The following ADGRG4 variants were observed in gnomAD, a reference collection of about 807,000 sequenced individuals.
ADGRG4 encodes the protein G protein-coupled receptor 112.
Under a neutral mutation model 126.2 loss-of-function variants are expected in ADGRG4, and 122 were observed. The observed-to-expected ratio is 0.97, with a 90% CI of 0.83 to 1.12. ADGRG4 has a LOEUF of 1.12. Ranked by LOEUF, ADGRG4 falls within the 50% of genes most tolerant of loss-of-function variation. The probability of loss-of-function intolerance (pLI) is 0.00; values close to 1 mark genes in which losing one functional copy is unlikely to be tolerated. For missense variants in ADGRG4, 2,481 were observed against 2,251.8 expected (o/e 1.10, Z -2.06); for synonymous variants, 943 against 838.7 (o/e 1.12, Z -2.15).
chrX:136,396,201 T>C (rs1273529225), intron 19 of ADGRG4, among the ~76,000 whole-genome samples: 2 of 109,574 alleles, frequency 1.8e-5, no homozygotes, highest in Non-Finnish European at 3.8e-5. Context: ...TCCAAATGAC[T>C]CTCAAATGTA....
chrX:136,332,602 A>G (rs1178931806), intron 5 of ADGRG4, among the ~76,000 whole-genome samples: 1 of 110,952 alleles, frequency 9.0e-6, no homozygotes, highest in African/African-American at 3.3e-5. Flanking sequence ...CAATGGTTGC[A>G]CTAGTTTACA....
intron 4 of ADGRG4, among the ~76,000 whole-genome samples, chrX:136,310,771 G>A (rs1291785956): frequency 3.6e-5 from 4 of 111,535 alleles, no homozygotes; most frequent in South Asian, 3.8e-4. Flanking sequence ...AGCAGAGCCA[G>A]AAAGAAGAGA....
intron 23 of ADGRG4, among the ~76,000 whole-genome samples, chrX:136,406,855 G>A (rs1423827053): frequency 3.7e-5 from 4 of 109,136 alleles, no homozygotes; most frequent in Non-Finnish European, 5.7e-5. Context: ...GGCAGAGGTT[G>A]CAGTGAGCTA....
intron 3 of ADGRG4, chrX:136,305,876 G>T (rs2074730202): frequency 8.9e-6 from 1 of 111,876 alleles, no homozygotes; most frequent in Non-Finnish European, 1.9e-5. Context: ...ATGGGTTATT[G>T]CAGGGTTGTA....
In ADGRG4 at chrX:136,323,265, A is replaced by G. The variant is rs1242257284; in HGVS notation, c.558A>G (p.Gln186=). The G allele has an allele frequency of 8.3e-7, 1 of 1,209,194 alleles. No homozygotes were observed. The highest frequency in any genetic ancestry group is 1.1e-6 in the Non-Finnish European group (1 of 895,045). ...RSFPGSLYYF[Q]LWDHILENEE... ...TTCCTGGCAGCTTGTACTACTTTCA[A>G]CTCTGGGACCACATCCTGGAAAACG... The change falls in exon 5 of 26, where the codon CAA becomes CAG. Residue 186 remains glutamine, a synonymous_variant. Transcript: ENST00000394143.
Position 136,344,645 on chromosome X carries a change from T to C in ADGRG4, c.939T>C (p.Phe313=). 8.3e-7 allele frequency: 1 copy of C among 1,210,710 alleles called. No individual in the cohort carries two copies. Among genetic ancestry groups the C allele is most frequent in the Non-Finnish European group, 1.1e-6 (1 of 894,558 alleles). Residue 313 remains phenylalanine, a synonymous_variant, in exon 6 of 26, where the codon TTT becomes TTC. Transcript: ENST00000394143. ...LKTLVDETAT[F]AVDVLSTSSA... ...CACTGGTAGATGAGACAGCTACATTTGCAGTGGATGTTTTATCAACTTCAT... is the reference window on the plus strand; with the variant it reads ...CACTGGTAGATGAGACAGCTACATTCGCAGTGGATGTTTTATCAACTTCAT...
chrX:136,363,603 T>A lies in ADGRG4; in HGVS notation c.7396+8T>A, dbSNP rs1418942315. Reference sequence around the variant, plus strand: ...ATATTACCATAAGTGATGGTAAGATTGTTTTGTACATATAAGACAAATTAT... The same window carrying A: ...ATATTACCATAAGTGATGGTAAGATAGTTTTGTACATATAAGACAAATTAT... On this transcript the variant is annotated splice_region_variant and intron_variant, in intron 13 of 25. Transcript: ENST00000394143. 2 of 1,033,822 alleles carry A rather than the reference T, an allele frequency of 1.9e-6. No homozygotes were observed. The highest frequency in any genetic ancestry group is 2.7e-6 in the Non-Finnish European group (2 of 735,087). The allele number at this position is 1,033,822 out of a possible 1,213,427, so 85.2% of individuals were successfully genotyped here.
In ADGRG4 at chrX:136,346,809, G is replaced by A. The variant is rs149243520; in HGVS notation, c.3103G>A (p.Glu1035Lys). ...VAEETEVTMS[E>K]PSTLARAFST... Reference sequence around the variant, plus strand: ...TGAGGAGACTGAGGTTACCATGTCTGAGCCTTCTACACTGGCCAGGGCTTT... The same window carrying A: ...TGAGGAGACTGAGGTTACCATGTCTAAGCCTTCTACACTGGCCAGGGCTTT... The change falls in exon 6 of 26, where the codon GAG (glutamate) becomes AAG (lysine). Residue 1035 changes from glutamate to lysine, a missense_variant. Physicochemically the swap from Glu to Lys is moderately conservative, Grantham distance 56. Coordinates refer to ENST00000394143, the MANE Select transcript of ADGRG4 (RefSeq NM_153834.4). 5,506 of 1,209,647 alleles carry A rather than the reference G, an allele frequency of 4.6e-3. 12 individuals carry two copies. The highest frequency in any genetic ancestry group is 6.2e-3 in the Middle Eastern group (27 of 4,346).
At chrX:136,365,859 T>A (rs2075155745) in intron 13 of ADGRG4, among the ~76,000 whole-genome samples, 1 of 112,195 alleles carries the variant, frequency 8.9e-6, no homozygotes, top group African/African-American at 3.2e-5. Context: ...AGTTTTTAAA[T>A]TTTGTTAATG....
At chrX:136,343,425 A>C (rs1030330938) in intron 5 of ADGRG4, among the ~76,000 whole-genome samples, 1 of 111,321 alleles carries the variant, frequency 9.0e-6, no homozygotes, top group African/African-American at 3.3e-5. Flanking sequence ...TCTGGTCAAG[A>C]GATATAACTT....
chrX:136,338,520 G>C (rs1050125937), intron 5 of ADGRG4, among the ~76,000 whole-genome samples: 3 of 111,737 alleles, frequency 2.7e-5, no homozygotes, highest in Non-Finnish European at 3.8e-5. Flanking sequence ...GTAAATGTGT[G>C]CCATGGTGGT....
Position 136,344,994 on chromosome X carries a change from A to G in ADGRG4, c.1288A>G (p.Ile430Val), listed in dbSNP as rs2075003789. 2.5e-6 allele frequency: 3 copies of G among 1,211,486 alleles called. No homozygotes were observed. The highest frequency in any genetic ancestry group is 1.8e-5 in the South Asian group (1 of 56,968). ...QKSTNTGALP[I>V]STAGQEFIES... ...ATCCACAAATACTGGGGCACTCCCT[A>G]TCTCCACAGCTGGCCAGGAGTTCAT... Residue 430 changes from isoleucine to valine, a missense_variant, in exon 6 of 26, where the codon ATC (isoleucine) becomes GTC (valine). Coordinates refer to ENST00000394143, the MANE Select transcript of ADGRG4 (RefSeq NM_153834.4).
Position 136,350,096 on chromosome X carries a change from T to A in ADGRG4, c.6390T>A (p.Thr2130=), listed in dbSNP as rs1002926014. Residue 2130 remains threonine (T), a synonymous_variant, in exon 6 of 26, where the codon ACT becomes ACA. Transcript: ENST00000394143. ...ATCCTTCATCCTTCAGCAGAAAGAC[T>A]ATGTCACCTTCTACAACTGACCACA... is the stretch of plus-strand genomic sequence containing the variant. The part of the protein sequence containing the change: ...VSHPSSFSRK[T]MSPSTTDHTL... 1.7e-6 allele frequency: 2 copies of A among 1,207,301 alleles called. No individual in the cohort carries two copies. Among genetic ancestry groups the A allele is most frequent in the Non-Finnish European group, 2.2e-6 (2 of 893,053 alleles).
chrX:136,416,809 C>T lies in ADGRG4; in HGVS notation c.*318C>T, dbSNP rs2075478044. On this transcript the variant is annotated 3_prime_UTR_variant, in exon 26 of 26. Coordinates refer to ENST00000394143, the MANE Select transcript of ADGRG4 (RefSeq NM_153834.4). ...AAGGTTGAATTTGTGAAACAATCTG[C>T]TCCAACCTTCTATTTTAATTATTAT... The T allele has an allele frequency of 5.8e-6, 1 of 172,102 alleles. No homozygotes were observed. Among genetic ancestry groups the T allele is most frequent in the East Asian group, 1.1e-4 (1 of 8,725 alleles). The allele number at this position is 172,102 out of a possible 1,213,427, so 14.2% of individuals were successfully genotyped here.
chrX:136,374,708 G>A (rs2075215261), intron 15 of ADGRG4, among the ~76,000 whole-genome samples: 1 of 111,796 alleles, frequency 8.9e-6, no homozygotes, highest in Non-Finnish European at 1.9e-5. Context: ...GGGATTACAG[G>A]TGTGAGCTAC....
At chrX:136,380,231 A>G (rs2075251485) in intron 15 of ADGRG4, among the ~76,000 whole-genome samples, 1 of 110,518 alleles carries the variant, frequency 9.0e-6, no homozygotes, top group Non-Finnish European at 1.9e-5. Flanking sequence ...GCTCAGGGCA[A>G]CATAAAAACA....
rs771152951 is a variant in ADGRG4 at position 136,321,676 on chromosome X, G to A, written c.71-1102G>A. Among the ~76,000 whole-genome samples, 164 of 111,735 alleles carry A rather than the reference G, an allele frequency of 1.5e-3. 2 individuals carry two copies. Among genetic ancestry groups the A allele is most frequent in the Non-Finnish European group, 2.7e-3 (141 of 53,170 alleles). ...CAGATATTTACCTAGTAGACTGGGG[G>A]TGTAAGATTTGTAGTGGTGATAGTA... On this transcript the variant is annotated intron_variant, in intron 4 of 25. Coordinates refer to ENST00000394143, the MANE Select transcript of ADGRG4 (RefSeq NM_153834.4).
intron 4 of ADGRG4, among the ~76,000 whole-genome samples, chrX:136,318,598 G>C (rs2074819953): frequency 9.0e-6 from 1 of 111,653 alleles, no homozygotes; most frequent in African/African-American, 3.3e-5. Flanking sequence ...GGTAGTAACA[G>C]CCATTTAAGT....
At chrX:136,369,137 G>A (rs1167076164) in intron 13 of ADGRG4, among the ~76,000 whole-genome samples, 1 of 112,614 alleles carries the variant, frequency 8.9e-6, no homozygotes, top group Non-Finnish European at 1.9e-5. Context: ...GACAATCCAA[G>A]TGAGAACACT....
Sources: allele counts gnomAD v4.1 joint callset (sites outside exome capture counted in the v4.1 genomes callset), GRCh38; gene constraint gnomAD v4.1.1; transcripts MANE v1.5; gene names NCBI Gene and HGNC (gene_info 2026-07-23, HGNC 2026-07-21).